The following CCNT1 variants were observed in gnomAD, a reference collection of about 807,000 sequenced individuals.
CCNT1 encodes the protein cyclin T1, also known as cyclin-T1.
In CCNT1, 18 loss-of-function variants were observed where a neutral mutation model predicts 67.3. That is an observed-to-expected ratio of 0.27 (90% CI 0.18 to 0.40). The LOEUF is 0.40. Ranked by LOEUF, CCNT1 falls within the 10% of genes least tolerant of loss-of-function variation. The pLI, the probability that CCNT1 is intolerant of heterozygous loss-of-function variation, is 1.00. For synonymous variants in CCNT1, 333 were observed against 310.3 expected (o/e 1.07, Z -0.77); for missense variants, 744 against 884.9 (o/e 0.84, Z 2.02).
chr12:48,696,123 A>C lies in CCNT1; in HGVS notation c.582T>G (p.Pro194=). 2 of 1,613,736 alleles carry C rather than the reference A, an allele frequency of 1.2e-6. No individual in the cohort carries two copies. Among genetic ancestry groups the C allele is most frequent in the Non-Finnish European group, 1.7e-6 (2 of 1,179,814 alleles). ...GGTGAATGCAGACACAGGCCACCAC[A>C]GGAGGTGTGTACTGCAGGCTAAATG... ...LTTFSLQYTP[P]VVACVCIHLA... is the part of the protein sequence containing the mutation. Residue 194 remains proline, a synonymous_variant, in exon 7 of 9, where the codon CCT becomes CCG. Coordinates refer to ENST00000261900, the MANE Select transcript of CCNT1 (RefSeq NM_001240.4).
chr12:48,712,565 G>A (rs1317078221), intron 2 of CCNT1, among the ~76,000 whole-genome samples: 5 of 115,534 alleles, frequency 4.3e-5, no homozygotes, highest in Admixed American at 2.1e-4. Flanking sequence ...TGCCCAGCAG[G>A]ATAATCTTTT....
intron 1 of CCNT1, 133 bp downstream of exon 1, chr12:48,716,382 G>A (rs1940532916): frequency 1.3e-6 from 1 of 782,678 alleles, no homozygotes; most frequent in Non-Finnish European, 2.0e-6. Flanking sequence ...CCCCATCGTG[G>A]GCTCTCCCAA....
In CCNT1 at chr12:48,693,764, T is replaced by C. The variant is rs1304809160; in HGVS notation, c.1450A>G (p.Ile484Val). The change falls in exon 9 of 9, where the codon ATA (isoleucine) becomes GTA (valine). Residue 484 changes from isoleucine (I) to valine (V), a missense_variant. By Grantham distance (29) the Ile-to-Val change is conservative. Coordinates refer to ENST00000261900, the MANE Select transcript of CCNT1 (RefSeq NM_001240.4). ...SSKPEEIKMRIKVHAAADKHN... is the reference protein window; with the variant it reads ...SSKPEEIKMRVKVHAAADKHN... ...TTATCAGCTGCAGCATGGACTTTTA[T>C]GCGCATTTTTATCTCCTCTGGTTTT... 9.3e-6 allele frequency: 15 copies of C among 1,614,188 alleles called. No individual in the cohort carries two copies. The highest frequency in any genetic ancestry group is 2.2e-5 in the South Asian group (2 of 91,078).
In CCNT1 at chr12:48,691,373, G is replaced by T. The variant is rs1940070172; in HGVS notation, c.*1660C>A. 1 of 152,024 alleles carries T rather than the reference G, an allele frequency of 6.6e-6. No homozygotes were observed. The highest frequency in any genetic ancestry group is 1.9e-4 in the East Asian group (1 of 5,184). The allele number at this position is 152,024 out of a possible 1,614,324, so 9.4% of individuals were successfully genotyped here. On this transcript the variant is annotated 3_prime_UTR_variant, in exon 9 of 9. Transcript: ENST00000261900. ...TCGACCTCTCCCTAAAAAATCCTTG[G>T]CATGAAGTAAGCTGCAATCAAATCA...
intron 2 of CCNT1, among the ~76,000 whole-genome samples, chr12:48,710,611 C>A (rs1395047900): frequency 6.6e-6 from 1 of 151,956 alleles, no homozygotes; most frequent in Non-Finnish European, 1.5e-5. Flanking sequence ...GCGAGATCTC[C>A]CGTCTCTAAA....
chr12:48,695,868 A>C, intron 7 of CCNT1, 39 bp from the exon 8 acceptor site: 2 of 1,541,400 alleles, frequency 1.3e-6, no homozygotes, highest in Non-Finnish European at 1.8e-6. Flanking sequence ...GACTGAGAGA[A>C]ACAGAAGTAA....
rs372886439 is a variant in CCNT1, at chr12:48,694,428, C to T, written c.786G>A (p.Glu262=). ...LKRIWNWRAC[E]AAKKTKADDR... Reference sequence around the variant, plus strand: ...CATCTGCTTTTGTTTTCTTGGCAGCCTCGCATGCCTGCAATGAAGCAAATA... The same window carrying T: ...CATCTGCTTTTGTTTTCTTGGCAGCTTCGCATGCCTGCAATGAAGCAAATA... The change falls in exon 9 of 9, where the codon GAG becomes GAA. Residue 262 remains glutamate, a synonymous_variant. Coordinates refer to ENST00000261900, the MANE Select transcript of CCNT1 (RefSeq NM_001240.4). 3 of 1,610,574 alleles carry T rather than the reference C, an allele frequency of 1.9e-6. No homozygotes were observed. Among genetic ancestry groups the T allele is most frequent in the Non-Finnish European group, 2.5e-6 (3 of 1,177,278 alleles).
Position 48,689,956 on chromosome 12 carries a change from T to C in CCNT1, c.*3077A>G, listed in dbSNP as rs1940046751. On this transcript the variant is annotated 3_prime_UTR_variant, in exon 9 of 9. Coordinates refer to ENST00000261900, the MANE Select transcript of CCNT1 (RefSeq NM_001240.4). The stretch of plus-strand genomic sequence containing the variant: ...GCCAATAATACTGAACTATGTAGTA[T>C]ACACTAAATCAAAACACTAAAATCA... 6.6e-6 allele frequency: 1 copy of C among 152,222 alleles called. No homozygotes were observed. The highest frequency in any genetic ancestry group is 1.5e-5 in the Non-Finnish European group (1 of 68,034). The allele number at this position is 152,222 out of a possible 1,614,324, so 9.4% of individuals were successfully genotyped here.
intron 4 of CCNT1, among the ~76,000 whole-genome samples, chr12:48,700,415 T>C (rs1940247314): frequency 6.6e-6 from 1 of 151,138 alleles, no homozygotes; most frequent in Non-Finnish European, 1.5e-5. Context: ...ACAAAAAAAA[T>C]TGTGTCTACG....
At chr12:48,712,261 C>A (rs1455603269) in intron 2 of CCNT1, among the ~76,000 whole-genome samples, 1 of 151,932 alleles carries the variant, frequency 6.6e-6, no homozygotes, top group South Asian at 2.1e-4. Flanking sequence ...TCTAAGGATA[C>A]GAAATAAGCA....
rs1940192694 is a variant in CCNT1 at position 48,697,572 on chromosome 12, G to A, written c.542+566C>T. Among the ~76,000 whole-genome samples the A allele has an allele frequency of 4.9e-5, 7 of 142,880 alleles. 1 individual carries two copies. In the South Asian group the frequency reaches 1.5e-3, roughly 31 times the overall value. 93.7% of individuals were successfully genotyped at this position (142,880 alleles called of 152,430 possible). The stretch of plus-strand genomic sequence containing the variant: ...ATATATATATATGCCTGTAATCCCA[G>A]CACTTTGGGAGGCTGAGGTGGGCAG... On this transcript the variant is annotated intron_variant, in intron 6 of 8. Transcript: ENST00000261900.
In CCNT1 at chr12:48,694,091, G is replaced by T. The variant is rs1176141227; in HGVS notation, c.1123C>A (p.Gln375Lys). The stretch of plus-strand genomic sequence containing the variant: ...GGCACACTCTTACTATTCTGCTTCT[G>T]GGAAATAAATGCATTTGAACCATCC... The part of the protein sequence containing the change: ...PQDGSNAFIS[Q>K]KQNSKSVPSA... Residue 375 changes from glutamine to lysine, a missense_variant, in exon 9 of 9, where the codon CAG becomes AAG. Transcript: ENST00000261900. The T allele has an allele frequency of 6.2e-7, 1 of 1,614,168 alleles. No individual in the cohort carries two copies. The highest frequency in any genetic ancestry group is 1.1e-5 in the South Asian group (1 of 91,086).
intron 7 of CCNT1, 82 bp downstream of exon 7, chr12:48,695,917 C>A: frequency 6.5e-7 from 1 of 1,547,636 alleles, no homozygotes; most frequent in Non-Finnish European, 8.9e-7. Flanking sequence ...TAACTATTTT[C>A]ATCTGAATCA....
In CCNT1 at chr12:48,716,699, G is replaced by A; in HGVS notation, c.-24C>T. On this transcript the variant is annotated 5_prime_UTR_variant, in exon 1 of 9. Coordinates refer to ENST00000261900, the MANE Select transcript of CCNT1 (RefSeq NM_001240.4). ...ATAGTGCTTCAACCAGAAGGCAGCG[G>A]CGAAGGCTGCAGGCACTTCCCAGCG... 1 of 1,607,836 alleles carries A rather than the reference G, an allele frequency of 6.2e-7. No individual in the cohort carries two copies. Among genetic ancestry groups the A allele is most frequent in the Non-Finnish European group, 8.5e-7 (1 of 1,175,646 alleles).
chr12:48,707,144 CT>C (rs1232858694), intron 2 of CCNT1, among the ~76,000 whole-genome samples: 1 of 152,090 alleles, frequency 6.6e-6, no homozygotes, highest in Non-Finnish European at 1.5e-5. Context: ...ATTCCTCAGA[CT>C]TTAGGATAAA....
chr12:48,696,239 TAAAAAAAAAAAA>T (rs71080140), intron 6 of CCNT1, 77 bp from the exon 7 acceptor site: 21 of 72,024 alleles, frequency 2.9e-4, no homozygotes, highest in East Asian at 1.5e-3. Context: ...CTCCATTATT[TAAAAAAAAAAAA>T]AAAAAAAAAA....
At position 48,693,441 on chromosome 12, in the gene CCNT1, A is replaced by C. The variant is rs760038677; in HGVS notation, c.1773T>G (p.Ile591Met). 5 of 1,614,150 alleles carry C rather than the reference A, an allele frequency of 3.1e-6. No homozygotes were observed. In the African/African-American group the frequency reaches 6.7e-5, roughly 22 times the overall value. The change falls in exon 9 of 9, where the codon ATT (isoleucine) becomes ATG (methionine). Residue 591 changes from isoleucine to methionine, a missense_variant. Ile to Met is a conservative substitution (Grantham distance 10). Coordinates refer to ENST00000261900, the MANE Select transcript of CCNT1 (RefSeq NM_001240.4). ...GGGAAGAGGATTTAGTACTCTTGGC[A>C]ATCTTGGCTGGATGATCAAACACAG... is the stretch of plus-strand genomic sequence containing the variant. The part of the protein sequence containing the change: ...GGAVFDHPAK[I>M]AKSTKSSSLN...
intron 3 of CCNT1, among the ~76,000 whole-genome samples, chr12:48,705,444 T>C (rs1940341048): frequency 6.6e-6 from 1 of 152,022 alleles, no homozygotes; most frequent in African/African-American, 2.4e-5. Flanking sequence ...TTTTTTTCTT[T>C]TTTTTAAATA....
chr12:48,706,035 C>A (rs1054009825), intron 2 of CCNT1, 139 bp from the exon 3 acceptor site: 22 of 666,726 alleles, frequency 3.3e-5, no homozygotes, highest in Middle Eastern at 4.1e-4. Context: ...TTCCCGCCCC[C>A]CCGCTTCTAC....
Sources: allele counts gnomAD v4.1 joint callset (sites outside exome capture counted in the v4.1 genomes callset), GRCh38; gene constraint gnomAD v4.1.1; transcripts MANE v1.5; gene names NCBI Gene and HGNC (gene_info 2026-07-23, HGNC 2026-07-21).